The following FER variants were observed in gnomAD, a reference collection of about 807,000 sequenced individuals.
FER encodes FER tyrosine kinase, also known as tyrosine-protein kinase Fer.
FER carries 63 observed loss-of-function variants against 111.0 expected under a neutral mutation model. That is an observed-to-expected ratio of 0.57 (90% confidence interval 0.46 to 0.70). FER has a LOEUF of 0.70. FER is among the 30% of genes least tolerant of loss of function. The pLI is 0.00. For missense variants in FER, 914 were observed against 954.0 expected (o/e 0.96, Z 0.55); for synonymous variants, 327 against 313.9 (o/e 1.04, Z -0.44).
intron 17 of FER, among the ~76,000 whole-genome samples, chr5:109,171,411 T>G (rs1255975850): frequency 6.6e-6 from 1 of 152,136 alleles, no homozygotes; most frequent in African/African-American, 2.4e-5. Context: ...ATGGAAAAAA[T>G]CTGTGGAAGT....
intron 4 of FER, 68 bp downstream of exon 4, chr5:108,833,011 ATTTGGCT>A (rs1760210194): frequency 7.2e-7 from 1 of 1,395,274 alleles, no homozygotes; most frequent in Non-Finnish European, 9.7e-7. Context: ...ATTTTACCTT[ATTTGGCT>A]TTAAAAATTG....
intron 10 of FER, among the ~76,000 whole-genome samples, chr5:108,902,751 G>A (rs1488948983): frequency 6.6e-6 from 1 of 152,056 alleles, no homozygotes; most frequent in African/African-American, 2.4e-5. Context: ...TGAATTTAAG[G>A]ATTATTTTAT....
rs1025163893 is a variant in FER at position 108,959,243 on chromosome 5, G to A, written c.1552G>A (p.Gly518Ser). ...QYVDNMYRFE[G>S]TGFSNIPQLI... is the part of the protein sequence containing the mutation. ...TCTCCAGAACATGTATCGATTCGAG[G>A]GCACTGGGTTTTCAAACATTCCTCA... Residue 518 changes from glycine (G) to serine (S), a missense_variant, in exon 13 of 20, where the codon GGC becomes AGC. By Grantham distance (56) the Gly-to-Ser change is moderately conservative. Transcript: ENST00000281092. 1.7e-5 allele frequency: 27 copies of A among 1,611,022 alleles called. No individual in the cohort carries two copies. The highest frequency in any genetic ancestry group is 2.3e-5 in the Non-Finnish European group (27 of 1,178,326).
chr5:109,058,313 G>A (rs1006803907), intron 16 of FER, among the ~76,000 whole-genome samples: 2 of 152,020 alleles, frequency 1.3e-5, no homozygotes, highest in South Asian at 2.1e-4. Flanking sequence ...AGATAGATAT[G>A]CTGGCACTCA....
chr5:108,841,930 G>A (rs946907399), intron 5 of FER: 4 of 189,690 alleles, frequency 2.1e-5, no homozygotes, highest in Non-Finnish European at 4.5e-5. Context: ...ATGCTGTTTA[G>A]GTCCTTTTTT....
At chr5:109,140,102 A>G (rs1426906947) in intron 17 of FER, among the ~76,000 whole-genome samples, 4 of 152,196 alleles carry the variant, frequency 2.6e-5, no homozygotes, top group Non-Finnish European at 5.9e-5. Flanking sequence ...AGTTTTTTCT[A>G]CTAGCAAATT....
chr5:109,019,416 T>C (rs536862552), intron 13 of FER, among the ~76,000 whole-genome samples: 5 of 151,882 alleles, frequency 3.3e-5, no homozygotes, highest in Middle Eastern at 3.4e-3. Flanking sequence ...TCATTGTTAG[T>C]ATTGTCAAAG....
At chr5:109,168,323 G>A (rs1312257264) in intron 17 of FER, among the ~76,000 whole-genome samples, 2 of 152,052 alleles carry the variant, frequency 1.3e-5, no homozygotes, top group East Asian at 3.9e-4. Context: ...ACTGACAGCT[G>A]GCAACCCCTA....
At chr5:108,928,136 G>A (rs1203376837) in intron 10 of FER, among the ~76,000 whole-genome samples, 2 of 152,138 alleles carry the variant, frequency 1.3e-5, no homozygotes, top group Admixed American at 6.5e-5. Context: ...TAGTTTGTTC[G>A]TTCCTTTTTT....
intron 13 of FER, among the ~76,000 whole-genome samples, chr5:109,033,729 A>G (rs968694776): frequency 1.3e-5 from 2 of 152,176 alleles, no homozygotes; most frequent in African/African-American, 2.4e-5. Context: ...CTCTCTATCA[A>G]CACTTCTGCA....
chr5:108,877,027 T>A (rs960221042), intron 8 of FER, among the ~76,000 whole-genome samples: 4 of 152,194 alleles, frequency 2.6e-5, no homozygotes, highest in Admixed American at 6.6e-5. Flanking sequence ...TCTAAAATAT[T>A]TGCTTTCTGT....
chr5:109,017,950 T>G (rs1373471321), intron 13 of FER, among the ~76,000 whole-genome samples: 2 of 151,930 alleles, frequency 1.3e-5, no homozygotes, highest in African/African-American at 2.4e-5. Flanking sequence ...AACAAACCCT[T>G]TGTTTTCATT....
At chr5:109,066,752 C>T (rs747401268) in intron 16 of FER, among the ~76,000 whole-genome samples, 12 of 152,098 alleles carry the variant, frequency 7.9e-5, no homozygotes, top group Non-Finnish European at 1.6e-4. Context: ...TTGTTAAATA[C>T]TTATTGGGCA....
rs183290413 is a variant in FER at position 109,009,192 on chromosome 5, T to C, written c.1657-28230T>C. Among the ~76,000 whole-genome samples the C allele has an allele frequency of 1.8e-4, 28 of 151,710 alleles. No homozygotes were observed. The East Asian group carries it at 5.3e-3, about 29-fold the overall frequency. On this transcript the variant is annotated intron_variant, in intron 13 of 19. Transcript: ENST00000281092. ...TCTCCCAAGTAGGTGCACACCACCA[T>C]GCCTGGCTAATTTTTATATTTTTAG...
intron 17 of FER, among the ~76,000 whole-genome samples, chr5:109,121,637 G>C (rs192560111): frequency 1.3e-5 from 2 of 151,936 alleles, no homozygotes; most frequent in Admixed American, 6.6e-5. Context: ...CCTTCTTCCT[G>C]TATTTTTGGG....
intron 13 of FER, among the ~76,000 whole-genome samples, chr5:108,995,668 A>G (rs1278641403): frequency 6.6e-6 from 1 of 152,078 alleles, no homozygotes; most frequent in Non-Finnish European, 1.5e-5. Context: ...TCTATCATTG[A>G]TGGGCATTTG....
chr5:109,010,158 TTTTC>T (rs1177124364), intron 13 of FER, among the ~76,000 whole-genome samples: 1 of 150,988 alleles, frequency 6.6e-6, no homozygotes, highest in African/African-American at 2.4e-5. Flanking sequence ...CTCTTCTTAG[TTTTC>T]TTTTTTATCC....
Position 109,151,778 on chromosome 5 carries a change from A to C in FER, c.2049-28969A>C, listed in dbSNP as rs147466671. On this transcript the variant is annotated intron_variant, in intron 17 of 19. Transcript: ENST00000281092. ...GAAACAGTCCAGTGGACATTTTTAC[A>C]GACGAAGTTATGAGACAAAGTTTAC... 6.9e-3 allele frequency among the ~76,000 whole-genome samples: 1,050 copies of C among 152,238 alleles called. 18 individuals are homozygous for C. The highest frequency in any genetic ancestry group is 0.024 in the African/African-American group (1,007 of 41,562).
chr5:108,992,573 G>C (rs957773050), intron 13 of FER, among the ~76,000 whole-genome samples: 3 of 151,584 alleles, frequency 2.0e-5, no homozygotes, highest in African/African-American at 4.8e-5. Flanking sequence ...TCCCAGTAGG[G>C]GTGGCTGGGC....
Sources: gnomAD v4.1 joint callset for allele counts (sites outside exome capture counted in the v4.1 genomes callset) on GRCh38, gnomAD v4.1.1 for gene constraint, MANE v1.5 for transcripts, NCBI Gene and HGNC (gene_info 2026-07-23, HGNC 2026-07-21) for gene names.